Variants in KNTC1 observed in about 807,000 individuals in gnomAD.
KNTC1 encodes kinetochore associated 1.
KNTC1 carries 253 observed loss-of-function variants against 314.4 expected under a neutral mutation model. The ratio of observed to expected loss-of-function variants is 0.80; its 90% CI spans 0.73 to 0.89. KNTC1 has a LOEUF of 0.89. Among genes scored for constraint, KNTC1 ranks in the 40% least tolerant of loss-of-function variants. The pLI, the probability that KNTC1 is intolerant of heterozygous loss-of-function variation, is 0.00. For missense variants in KNTC1, 2,475 were observed against 2,572.9 expected (o/e 0.96, Z 0.82); for synonymous variants, 901 against 901.4 (o/e 1.00, Z 0.01).
At chr12:122,529,367 G>A (rs1248163868) in intron 1 of KNTC1, among the ~76,000 whole-genome samples, 1 of 152,124 alleles carries the variant, frequency 6.6e-6, no homozygotes, top group Non-Finnish European at 1.5e-5. Flanking sequence ...TCCAAGGATT[G>A]TTTTTATCCT....
intron 60 of KNTC1, among the ~76,000 whole-genome samples, chr12:122,621,356 T>C (rs1044472485): frequency 1.3e-5 from 2 of 152,200 alleles, no homozygotes; most frequent in African/African-American, 4.8e-5. Flanking sequence ...TTCGTTTGTT[T>C]GTTTTTTGTG....
Position 122,539,675 on chromosome 12 carries a change from G to A in KNTC1, c.367-1G>A. On this transcript the variant is annotated splice_acceptor_variant, in intron 4 of 63. Coordinates refer to ENST00000333479, the MANE Select transcript of KNTC1 (RefSeq NM_014708.6). LOFTEE classifies it high-confidence loss of function. ...ATTATTTGAAATTAATTTGCATTTA[G>A]GCATTTGTTCAGAAAGCTAACGATG... 1 of 1,542,752 alleles carries A rather than the reference G, an allele frequency of 6.5e-7. No individual in the cohort carries two copies. The highest frequency in any genetic ancestry group is 8.8e-7 in the Non-Finnish European group (1 of 1,140,884).
At chr12:122,601,513 G>T in intron 44 of KNTC1, 23 bp from the exon 45 acceptor site, 1 of 1,503,972 alleles carries the variant, frequency 6.6e-7, no homozygotes, top group Admixed American at 2.3e-5. Context: ...ATCAAGTTTT[G>T]ATATATTTTT....
Position 122,590,752 on chromosome 12 carries a change from C to T in KNTC1, c.4128+17C>T, listed in dbSNP as rs756142121. 6 of 1,602,588 alleles carry T rather than the reference C, an allele frequency of 3.7e-6. No individual in the cohort carries two copies. In the African/African-American group the frequency reaches 6.7e-5, roughly 18 times the overall value. ...AAAATCTTGGTATGTCCTAAGGAAG[C>T]ACACCTTCAATTCTTGAAGTATTCA... On this transcript the variant is annotated intron_variant, in intron 41 of 63. Coordinates refer to ENST00000333479, the MANE Select transcript of KNTC1 (RefSeq NM_014708.6).
At chr12:122,567,231 G>A (rs1420522537) in intron 20 of KNTC1, among the ~76,000 whole-genome samples, 5 of 151,600 alleles carry the variant, frequency 3.3e-5, no homozygotes, top group South Asian at 4.2e-4. Context: ...CCACCACACC[G>A]GCTATTTTTT....
chr12:122,586,769 A>T lies in KNTC1; in HGVS notation c.3730+12A>T. The T allele has an allele frequency of 8.1e-7, 1 of 1,233,010 alleles. No individual in the cohort carries two copies. The highest frequency in any genetic ancestry group is 1.1e-6 in the Non-Finnish European group (1 of 896,026). The allele number at this position is 1,233,010 out of a possible 1,614,324, so 76.4% of individuals were successfully genotyped here. ...CTCCCTTAATGAAGGTATTTGGCAC[A>T]AGAAATATATAGCATTCTATTAATA... On this transcript the variant is annotated intron_variant, in intron 38 of 63. Coordinates refer to ENST00000333479, the MANE Select transcript of KNTC1 (RefSeq NM_014708.6).
intron 15 of KNTC1, 31 bp downstream of exon 15, chr12:122,551,554 C>T: frequency 6.2e-7 from 1 of 1,604,272 alleles, no homozygotes; most frequent in Non-Finnish European, 8.5e-7. Context: ...AAGCTTTATC[C>T]TTTAGTGAAT....
chr12:122,605,810 C>A (rs543899971), intron 51 of KNTC1, among the ~76,000 whole-genome samples: 1 of 152,164 alleles, frequency 6.6e-6, no homozygotes, highest in Non-Finnish European at 1.5e-5. Flanking sequence ...TCTCAAAGTG[C>A]TGGGATTACA....
chr12:122,582,762 G>C lies in KNTC1; in HGVS notation c.3040G>C (p.Asp1014His). 1.2e-6 allele frequency: 2 copies of C among 1,612,564 alleles called. No homozygotes were observed. The highest frequency in any genetic ancestry group is 1.7e-5 in the Admixed American group (1 of 59,932). ...EDYSNSSLVA[D>H]LREQHIKAHE... ...TTATAGCAATAGTTCCCTGGTAGCAGATCTCCGTGAGCAGCACATTAAAGC... is the reference window on the plus strand; with the variant it reads ...TTATAGCAATAGTTCCCTGGTAGCACATCTCCGTGAGCAGCACATTAAAGC... The change falls in exon 34 of 64, where the codon GAT becomes CAT. Residue 1014 changes from aspartate (D) to histidine (H), a missense_variant. Coordinates refer to ENST00000333479, the MANE Select transcript of KNTC1 (RefSeq NM_014708.6).
chr12:122,625,598 AAAAC>A (rs1199562307), intron 63 of KNTC1, among the ~76,000 whole-genome samples: 12 of 152,076 alleles, frequency 7.9e-5, no homozygotes, highest in South Asian at 2.1e-4. Context: ...ACAAAAAAAA[AAAAC>A]AAAGGAAAAA....
intron 5 of KNTC1, among the ~76,000 whole-genome samples, chr12:122,541,311 T>TCCTTCCTG (rs1962306634): frequency 4.8e-5 from 7 of 144,428 alleles, no homozygotes; most frequent in Admixed American, 4.7e-4. Flanking sequence ...CTTCCTTCCT[T>TCCTTCCTG]CCTTCCTTCC....
At chr12:122,576,837 G>C (rs1965061673) in intron 29 of KNTC1, 58 bp from the exon 30 acceptor site, 2 of 1,392,260 alleles carry the variant, frequency 1.4e-6, no homozygotes, top group African/African-American at 1.5e-5. Context: ...ATAAGCAAGT[G>C]ATTTCTTGGT....
At chr12:122,584,786 C>T (rs1193805989) in intron 35 of KNTC1, 107 bp from the exon 36 acceptor site, 2 of 660,314 alleles carry the variant, frequency 3.0e-6, no homozygotes, top group Non-Finnish European at 5.1e-6. Context: ...TTTCTATCTA[C>T]ATTGTGGCCT....
At chr12:122,610,761 T>G in intron 52 of KNTC1, 61 bp from the exon 53 acceptor site, 1 of 1,055,904 alleles carries the variant, frequency 9.5e-7, no homozygotes. Context: ...AAGATAAGTC[T>G]GTTGTTTTGG....
At position 122,620,546 on chromosome 12, in the gene KNTC1, G is replaced by C; in HGVS notation, c.6217G>C (p.Ala2073Pro). The change falls in exon 60 of 64, where the codon GCT (alanine) becomes CCT (proline). Residue 2073 changes from alanine to proline, a missense_variant. Transcript: ENST00000333479. Reference protein sequence around the residue: ...ARQYIQLELPAFALACLMLMP... With the variant: ...ARQYIQLELPPFALACLMLMP... ...GCAGTATATCCAGTTAGAACTTCCG[G>C]CTTTTGCATTAGCTTGTCTGATGCT... The C allele has an allele frequency of 6.2e-7, 1 of 1,613,614 alleles. No homozygotes were observed. The highest frequency in any genetic ancestry group is 1.1e-5 in the South Asian group (1 of 91,024).
At chr12:122,604,785 G>T (rs7960847) in intron 49 of KNTC1, 92 bp from the exon 50 acceptor site, 64 of 1,318,208 alleles carry the variant, frequency 4.9e-5, no homozygotes, top group East Asian at 2.0e-4. Context: ...ACTGAGGAAG[G>T]GGGGAGGGAT....
At chr12:122,535,243 G>A (rs145806662) in intron 3 of KNTC1, among the ~76,000 whole-genome samples, 1 of 152,234 alleles carries the variant, frequency 6.6e-6, no homozygotes, top group African/African-American at 2.4e-5. Flanking sequence ...GTGAATTAAA[G>A]CTGGGCGTGG....
chr12:122,597,831 T>C lies in KNTC1; in HGVS notation c.4456T>C (p.Ser1486Pro). Residue 1486 changes from serine (S) to proline (P), a missense_variant, in exon 44 of 64, where the codon TCT (serine) becomes CCT (proline). Transcript: ENST00000333479. ...AGGCCAGGGAGATGCAAGCATGGAC[T>C]CTGCAAAGCGGCGGCATCCCAAACT... ...GQGQGDASMD[S>P]AKRRHPKLLA... 1 of 1,614,046 alleles carries C rather than the reference T, an allele frequency of 6.2e-7. No homozygotes were observed. The highest frequency in any genetic ancestry group is 8.5e-7 in the Non-Finnish European group (1 of 1,179,896).
intron 40 of KNTC1, among the ~76,000 whole-genome samples, chr12:122,589,847 G>A (rs946090869): frequency 2.1e-5 from 3 of 144,918 alleles, no homozygotes; most frequent in African/African-American, 7.7e-5. Flanking sequence ...GCAGTGGCGC[G>A]ATTTCGGCTC....
Sources: allele counts gnomAD v4.1 joint callset (sites outside exome capture counted in the v4.1 genomes callset), GRCh38; gene constraint gnomAD v4.1.1; transcripts MANE v1.5; gene names NCBI Gene and HGNC (gene_info 2026-07-23, HGNC 2026-07-21).